GRAMD4: variants seen among roughly 807,000 people sequenced by gnomAD.
GRAMD4 encodes the protein GRAM domain containing 4, also known as GRAM domain-containing protein 4.
GRAMD4 carries 25 observed loss-of-function variants against 83.9 expected under a neutral mutation model. The ratio of observed to expected loss-of-function variants is 0.30; its 90% CI spans 0.22 to 0.42. The LOEUF is 0.42. Ranked by LOEUF, GRAMD4 falls within the 10% of genes least tolerant of loss-of-function variation. The pLI is 1.00. For synonymous variants in GRAMD4, 336 were observed against 320.9 expected (o/e 1.05, Z -0.50); for missense variants, 593 against 788.7 (o/e 0.75, Z 2.97).
chr22:46,611,495 C>G (rs2081416719), intron 1 of GRAMD4, among the ~76,000 whole-genome samples: 1 of 152,040 alleles, frequency 6.6e-6, no homozygotes, highest in African/African-American at 2.4e-5. Flanking sequence ...CTCAGTTTAC[C>G]CATTTGTCAG....
At position 46,577,663 on chromosome 22, in the gene GRAMD4, A is replaced by T. The variant is rs572499693; in HGVS notation, c.-50+373A>T. 4.6e-4 allele frequency among the ~76,000 whole-genome samples: 70 copies of T among 152,102 alleles called. 1 individual carries two copies. The highest frequency in any genetic ancestry group is 3.1e-3 in the South Asian group (15 of 4,830). The stretch of plus-strand genomic sequence containing the variant: ...GGACGGTATCGGCCCGGGCCCGCCA[A>T]TGTCGTCCTGCCGATCCACTCCCGG... On this transcript the variant is annotated intron_variant, in intron 1 of 1. Transcript: ENST00000431155.
At chr22:46,647,512 T>G (rs895090180) in intron 3 of GRAMD4, among the ~76,000 whole-genome samples, 9 of 152,126 alleles carry the variant, frequency 5.9e-5, no homozygotes, top group Non-Finnish European at 1.0e-4. Flanking sequence ...GTGGGGGGCC[T>G]CCTCCCTGCT....
At chr22:46,645,213 A>G (rs1363285414) in intron 3 of GRAMD4, among the ~76,000 whole-genome samples, 1 of 151,936 alleles carries the variant, frequency 6.6e-6, no homozygotes, top group Non-Finnish European at 1.5e-5. Context: ...GAATGGAGGG[A>G]TTAATTGCAG....
In GRAMD4 at chr22:46,668,717, T is replaced by C; in HGVS notation, c.959T>C (p.Leu320Pro). The change falls in exon 12 of 19, where the codon CTG becomes CCG. Residue 320 changes from leucine to proline, a missense_variant. Physicochemically the swap from Leu to Pro is moderately conservative, Grantham distance 98. This residue lies in a region of GRAMD4 where 36 missense variants were observed against 85.8 expected (regional missense o/e 0.42). Coordinates refer to ENST00000406902, the MANE Select transcript of GRAMD4 (RefSeq NM_015124.5). ...CTTTTCGGGAAGATGGCTGACATCC[T>C]GGAGAAGATCAAGAAGTAAGTCCCG... ...QNLFGKMADILEKIKNLFMWV... is the reference protein window; with the variant it reads ...QNLFGKMADIPEKIKNLFMWV... 6.2e-7 allele frequency: 1 copy of C among 1,611,082 alleles called. No homozygotes were observed.
chr22:46,668,581 C>A, intron 11 of GRAMD4, 108 bp from the exon 12 acceptor site: 3 of 1,010,664 alleles, frequency 3.0e-6, no homozygotes, highest in South Asian at 1.3e-5. Context: ...GACCACAGGG[C>A]TCCGAGTGAC....
At position 46,666,806 on chromosome 22, in the gene GRAMD4, T is replaced by C. The variant is rs1236465528; in HGVS notation, c.810-19T>C. The C allele has an allele frequency of 6.2e-7, 1 of 1,607,150 alleles. No individual in the cohort carries two copies. Among genetic ancestry groups the C allele is most frequent in the African/African-American group, 1.3e-5 (1 of 74,696 alleles). ...CAGGTGGCGCTGTCCTAAAGGTGTG[T>C]GTGTTTTCTGTTCGCCAGGGGGTGG... On this transcript the variant is annotated intron_variant, in intron 9 of 18. Transcript: ENST00000406902.
At chr22:46,580,967 C>CAAAA (rs558020415) in intron 1 of GRAMD4, among the ~76,000 whole-genome samples, 4 of 86,908 alleles carry the variant, frequency 4.6e-5, no homozygotes, top group African/African-American at 8.2e-5. Context: ...AACTCCATCT[C>CAAAA]AAAAAAAAAA....
At chr22:46,638,588 C>A (rs933427448) in intron 3 of GRAMD4, among the ~76,000 whole-genome samples, 2 of 152,168 alleles carry the variant, frequency 1.3e-5, no homozygotes, top group Non-Finnish European at 2.9e-5. Flanking sequence ...TCCCTGTTGT[C>A]CAGATGTGGA....
intron 3 of GRAMD4, 101 bp downstream of exon 3, chr22:46,638,061 C>T: frequency 7.8e-7 from 1 of 1,284,804 alleles, no homozygotes; most frequent in Admixed American, 1.8e-5. Context: ...TGGTGAAGAC[C>T]CACGCAGGCT....
chr22:46,605,474 G>A (rs1286624741), intron 1 of GRAMD4, among the ~76,000 whole-genome samples: 1 of 152,226 alleles, frequency 6.6e-6, no homozygotes, highest in Non-Finnish European at 1.5e-5. Context: ...CCCAGAAGGG[G>A]GATTGTTGGA....
chr22:46,631,242 A>G (rs1035610426), intron 2 of GRAMD4, among the ~76,000 whole-genome samples: 1 of 152,200 alleles, frequency 6.6e-6, no homozygotes, highest in Non-Finnish European at 1.5e-5. Flanking sequence ...TTGTGCCACC[A>G]TCGCCACCTC....
upstream of GRAMD4, among the ~76,000 whole-genome samples, chr22:46,576,354 C>G (rs2081042541): frequency 6.6e-6 from 1 of 151,878 alleles, no homozygotes; most frequent in Non-Finnish European, 1.5e-5. Flanking sequence ...CTCCTGTGAG[C>G]TAGACAGCCT....
At chr22:46,606,854 T>G (rs944215028) in intron 1 of GRAMD4, among the ~76,000 whole-genome samples, 1 of 152,266 alleles carries the variant, frequency 6.6e-6, no homozygotes, top group African/African-American at 2.4e-5. Context: ...TCTCTTTGTG[T>G]CCCTGCTTTC....
At chr22:46,623,940 C>T (rs1443718299) in intron 1 of GRAMD4, among the ~76,000 whole-genome samples, 1 of 151,894 alleles carries the variant, frequency 6.6e-6, no homozygotes, top group African/African-American at 2.4e-5. Flanking sequence ...CATCACCTCG[C>T]CCAGCTAATT....
Position 46,659,630 on chromosome 22 carries a change from C to T in GRAMD4, c.404+1323C>T, listed in dbSNP as rs752764164. Among the ~76,000 whole-genome samples the T allele has an allele frequency of 3.9e-5, 6 of 152,134 alleles. No individual in the cohort carries two copies. The highest frequency in any genetic ancestry group is 8.8e-5 in the Non-Finnish European group (6 of 68,032). On this transcript the variant is annotated intron_variant, in intron 4 of 18. Coordinates refer to ENST00000406902, the MANE Select transcript of GRAMD4 (RefSeq NM_015124.5). This position sits in a 1 kb window ranked among gnomAD's most constrained non-coding sequence, Gnocchi z 4.1. The stretch of plus-strand genomic sequence containing the variant: ...CCCTCAGGTTTAGTGTGTGGGAAGA[C>T]GGGGGATCCGCTGGGCTGACTCCCA...
At chr22:46,645,511 T>TG (rs2082060680) in intron 3 of GRAMD4, among the ~76,000 whole-genome samples, 1 of 152,196 alleles carries the variant, frequency 6.6e-6, no homozygotes. Flanking sequence ...TTTACCCGTT[T>TG]GGGGCCTCAG....
At chr22:46,656,026 A>G (rs2082239254) in intron 3 of GRAMD4, among the ~76,000 whole-genome samples, 4 of 152,082 alleles carry the variant, frequency 2.6e-5, no homozygotes, top group Non-Finnish European at 5.9e-5. Context: ...GAGACTGGGC[A>G]GCCCGCAGGG....
chr22:46,629,859 T>C (rs548541191), intron 2 of GRAMD4, among the ~76,000 whole-genome samples: 1 of 152,356 alleles, frequency 6.6e-6, no homozygotes, highest in East Asian at 1.9e-4. Flanking sequence ...TTTCTGTCGA[T>C]GGATTTGCCC....
intron 2 of GRAMD4, among the ~76,000 whole-genome samples, chr22:46,630,366 G>A (rs944536410): frequency 6.6e-6 from 1 of 152,194 alleles, no homozygotes; most frequent in Non-Finnish European, 1.5e-5. Flanking sequence ...CGCTTGGGCA[G>A]TTCCATTCTT....
Sources: gnomAD v4.1 joint callset for allele counts (sites outside exome capture counted in the v4.1 genomes callset) on GRCh38, gnomAD v4.1.1 for gene constraint, gnomAD v4.1.1 regional missense constraint, Gnocchi (gnomAD v3.1) non-coding constraint, MANE v1.5 for transcripts, NCBI Gene and HGNC (gene_info 2026-07-23, HGNC 2026-07-21) for gene names.